VWA3B: variants seen among roughly 807,000 people sequenced by gnomAD.
The protein encoded by VWA3B is von Willebrand factor A domain-containing protein 3B.
In VWA3B, 138 loss-of-function variants were observed where a neutral mutation model predicts 158.3. That is an observed-to-expected ratio of 0.87 (90% CI 0.76 to 1.00). The LOEUF is 1.00. Among genes scored for constraint, VWA3B ranks in the 50% least tolerant of loss-of-function variants. VWA3B has a pLI of 0.00. For synonymous variants in VWA3B, 596 were observed against 587.3 expected, an observed-to-expected ratio of 1.01 and a Z score of -0.21; for missense variants, 1,555 against 1,565.1, an observed-to-expected ratio of 0.99 and a Z score of 0.11.
chr2:98,139,322 G>A (rs11885030), intron 7 of VWA3B, among the ~76,000 whole-genome samples: 28,094 of 152,164 alleles, frequency 0.18, 3,750 homozygotes, highest in African/African-American at 0.38. Flanking sequence ...AAGCCTCCCC[G>A]ACGAGCGCCA....
chr2:98,301,268 CGACACAG>C (rs1690168258), intron 25 of VWA3B, among the ~76,000 whole-genome samples: 1 of 149,994 alleles, frequency 6.7e-6, no homozygotes, highest in Admixed American at 6.7e-5. Context: ...CCAGCCTGGG[CGACACAG>C]CAAGACTGTC....
chr2:98,112,128 G>A (rs1290827884), intron 2 of VWA3B, among the ~76,000 whole-genome samples: 1 of 152,096 alleles, frequency 6.6e-6, no homozygotes, highest in Non-Finnish European at 1.5e-5. Flanking sequence ...TCTTCTGCAT[G>A]TAGCTAGCCA....
intron 2 of VWA3B, among the ~76,000 whole-genome samples, chr2:98,102,260 T>C (rs1342762936): frequency 6.6e-6 from 1 of 152,226 alleles, no homozygotes; most frequent in Non-Finnish European, 1.5e-5. Flanking sequence ...TGGAGTCTCT[T>C]ATGTCTACTT....
intron 19 of VWA3B, 155 bp downstream of exon 19, chr2:98,236,885 C>A: frequency 1.7e-6 from 2 of 1,152,436 alleles, no homozygotes; most frequent in Non-Finnish European, 2.4e-6. Context: ...GAGAGAGAGG[C>A]TTTTAAGAAT....
the VWA3B span, among the ~76,000 whole-genome samples, chr2:98,324,410 A>ATG: frequency 2.6e-5 from 4 of 152,086 alleles, no homozygotes; most frequent in Non-Finnish European, 4.4e-5. Context: ...TGATCCACCC[A>ATG]TGTCAGCTTC....
Position 98,312,207 on chromosome 2 carries a change from AC to A in VWA3B, c.3745del (p.Leu1249SerfsTer9). On this transcript the variant is annotated frameshift_variant, in exon 28 of 28. Coordinates refer to ENST00000477737, the MANE Select transcript of VWA3B (RefSeq NM_144992.5). LOFTEE classifies it low-confidence loss of function (END_TRUNC). Reference sequence around the variant, plus strand: ...TGAACTCTGCTTCCCCAGACAGCCCACCTCCACTTCCCCGCGGCCGGGCGTC... The same window carrying A: ...TGAACTCTGCTTCCCCAGACAGCCCACTCCACTTCCCCGCGGCCGGGCGTC... ...QGTHPEPRTA[H>X]LHFPAAGRLG... 1 of 1,613,640 alleles carries A rather than the reference AC, an allele frequency of 6.2e-7. No individual in the cohort carries two copies. The highest frequency in any genetic ancestry group is 1.3e-5 in the African/African-American group (1 of 74,828).
chr2:98,121,204 GT>G, intron 4 of VWA3B, 94 bp from the exon 5 acceptor site: 1 of 1,450,406 alleles, frequency 6.9e-7, no homozygotes. Flanking sequence ...AGAGATGGAT[GT>G]TGGCAGCTTG....
chr2:98,295,955 T>A (rs920390226), intron 23 of VWA3B, among the ~76,000 whole-genome samples: 2 of 152,194 alleles, frequency 1.3e-5, no homozygotes, highest in Non-Finnish European at 2.9e-5. Context: ...CTGTGCTCAT[T>A]TCTGGAGATG....
At chr2:98,130,541 C>T (rs538604921) in intron 6 of VWA3B, among the ~76,000 whole-genome samples, 2 of 152,162 alleles carry the variant, frequency 1.3e-5, no homozygotes, top group Non-Finnish European at 2.9e-5. Flanking sequence ...TGCAGCCTTC[C>T]GCAGTGTTTG....
At chr2:98,256,836 A>G (rs528882381) in intron 21 of VWA3B, among the ~76,000 whole-genome samples, 25 of 152,286 alleles carry the variant, frequency 1.6e-4, no homozygotes, top group African/African-American at 5.3e-4. Context: ...TAATAATTGT[A>G]CATATTTTGG....
At chr2:98,247,186 CG>C in intron 19 of VWA3B, among the ~76,000 whole-genome samples, 1 of 151,854 alleles carries the variant, frequency 6.6e-6, no homozygotes, top group Non-Finnish European at 1.5e-5. Context: ...TTAGTAGAGA[CG>C]GGGTTTCACC....
intron 19 of VWA3B, 91 bp from the exon 20 acceptor site, chr2:98,250,227 A>G: frequency 2.3e-6 from 2 of 866,220 alleles, no homozygotes. Flanking sequence ...TAGTCAGAGA[A>G]AACATGTTAT....
At position 98,228,207 on chromosome 2, in the gene VWA3B, A is replaced by T. The variant is rs778720978; in HGVS notation, c.2025A>T (p.Glu675Asp). The change falls in exon 15 of 28, where the codon GAA becomes GAT. Residue 675 changes from glutamate to aspartate, a missense_variant. Glu to Asp is a conservative substitution (Grantham distance 45). Coordinates refer to ENST00000477737, the MANE Select transcript of VWA3B (RefSeq NM_144992.5). ...DPTPPEAVQN[E>D]DLTLLVKEME... ...TTCACTTCTCATTTTGGCAGAATGA[A>T]GATCTGACTCTTTTAGTTAAGGAAA... 4.3e-6 allele frequency: 7 copies of T among 1,611,384 alleles called. No homozygotes were observed. The highest frequency in any genetic ancestry group is 3.4e-5 in the Admixed American group (2 of 59,364).
intron 8 of VWA3B, among the ~76,000 whole-genome samples, chr2:98,180,255 T>C (rs946261433): frequency 1.3e-5 from 2 of 151,928 alleles, no homozygotes; most frequent in African/African-American, 4.8e-5. Context: ...AGCGCAGTGG[T>C]GCATTCTCGG....
In VWA3B at chr2:98,228,288, G is replaced by T; in HGVS notation, c.2106G>T (p.Leu702Phe). The T allele has an allele frequency of 6.2e-7, 1 of 1,614,074 alleles. No individual in the cohort carries two copies. The highest frequency in any genetic ancestry group is 8.5e-7 in the Non-Finnish European group (1 of 1,180,008). Residue 702 changes from leucine (L) to phenylalanine (F), a missense_variant, in exon 15 of 28, where the codon TTG (leucine) becomes TTT (phenylalanine). Physicochemically the swap from Leu to Phe is conservative, Grantham distance 22. Coordinates refer to ENST00000477737, the MANE Select transcript of VWA3B (RefSeq NM_144992.5). ...EKMQDLYSESLIMDWWYNAEK... is the reference protein window; with the variant it reads ...EKMQDLYSESFIMDWWYNAEK... ...TGCAAGACCTTTATTCTGAGTCCTT[G>T]ATCATGGACTGGTGGTACAATGCAG... is the stretch of plus-strand genomic sequence containing the variant.
chr2:98,222,733 T>C (rs929023814), intron 14 of VWA3B, among the ~76,000 whole-genome samples: 1 of 152,176 alleles, frequency 6.6e-6, no homozygotes, highest in Non-Finnish European at 1.5e-5. Flanking sequence ...GGGTCCAGAA[T>C]GGCACCAGAT....
chr2:98,091,347 A>G (rs1014654172), intron 1 of VWA3B, among the ~76,000 whole-genome samples: 3 of 152,230 alleles, frequency 2.0e-5, no homozygotes, highest in Admixed American at 2.0e-4. Context: ...GTTAATAATG[A>G]GTAACTGATA....
chr2:98,152,256 A>G (rs1025851531), intron 7 of VWA3B, among the ~76,000 whole-genome samples: 1 of 152,234 alleles, frequency 6.6e-6, no homozygotes, highest in African/African-American at 2.4e-5. Flanking sequence ...GACTGAGCTC[A>G]GTAAGAAGTG....
rs563453804 is a variant in VWA3B, at chr2:98,205,276, A to G, written c.1738-6654A>G. ...GTTTTGGTAGTTTGTGGTTTTTGAA[A>G]AAGTGTTCATTTTTTTCTAAACTGT... On this transcript the variant is annotated intron_variant, in intron 12 of 27. Transcript: ENST00000477737. Among the ~76,000 whole-genome samples, 4 of 152,316 alleles carry G rather than the reference A, an allele frequency of 2.6e-5. No individual in the cohort carries two copies. In the South Asian group the frequency reaches 8.3e-4, roughly 32 times the overall value.
Sources: gnomAD v4.1 joint callset for allele counts (sites outside exome capture counted in the v4.1 genomes callset) on GRCh38, gnomAD v4.1.1 for gene constraint, MANE v1.5 for transcripts, NCBI Gene and HGNC (gene_info 2026-07-23, HGNC 2026-07-21) for gene names.